Variants in ARHGEF10 observed in about 807,000 individuals in gnomAD.
The protein encoded by ARHGEF10 is Rho guanine nucleotide exchange factor 10, also known as Rho guanine nucleotide exchange factor (GEF) 10.
Under a neutral mutation model 147.4 loss-of-function variants are expected in ARHGEF10, and 140 were observed. The observed-to-expected ratio is 0.95, with a 90% CI of 0.83 to 1.09. The LOEUF (loss-of-function observed/expected upper bound fraction) is 1.09. Ranked by LOEUF, ARHGEF10 falls within the 50% of genes least tolerant of loss-of-function variation. The pLI, the probability that ARHGEF10 is intolerant of heterozygous loss-of-function variation, is 0.00. For synonymous variants in ARHGEF10, 902 were observed against 695.8 expected, an observed-to-expected ratio of 1.30 and a Z score of -4.67; for missense variants, 2,222 against 1,752.7, an observed-to-expected ratio of 1.27 and a Z score of -4.78.
chr8:1,950,360 A>G (rs1298217661), intron 27 of ARHGEF10, among the ~76,000 whole-genome samples: 1 of 152,188 alleles, frequency 6.6e-6, no homozygotes, highest in African/African-American at 2.4e-5. Context: ...TGTGGCCCTC[A>G]GCTTTCCCAT....
intron 2 of ARHGEF10, among the ~76,000 whole-genome samples, chr8:1,848,518 CTGTT>C (rs1804729046): frequency 6.6e-6 from 1 of 152,142 alleles, no homozygotes; most frequent in African/African-American, 2.4e-5. Context: ...GTCGTGGTTT[CTGTT>C]TGTTGTTTAT....
rs762242274 is a variant in ARHGEF10 at position 1,885,607 on chromosome 8, G to T, written c.1082G>T (p.Arg361Ile). Residue 361 changes from arginine (R) to isoleucine (I), a missense_variant, in exon 11 of 29, where the codon AGA becomes ATA. By Grantham distance (97) the Arg-to-Ile change is moderately conservative (BLOSUM62 -3). Transcript: ENST00000349830. The stretch of plus-strand genomic sequence containing the variant: ...TTTTGACTTTTTTTTTAAGATCACA[G>T]ATCTTCTCTTGAGGAAGAACAGAAT... Reference protein sequence around the residue: ...RTKSLIAQDHRSSLEEEQNLF... With the variant: ...RTKSLIAQDHISSLEEEQNLF... The T allele has an allele frequency of 3.7e-6, 6 of 1,611,486 alleles. No individual in the cohort carries two copies. In the South Asian group the frequency reaches 5.5e-5, roughly 15 times the overall value.
chr8:1,887,166 T>A (rs1368904490), intron 11 of ARHGEF10, among the ~76,000 whole-genome samples: 1 of 152,182 alleles, frequency 6.6e-6, no homozygotes, highest in Non-Finnish European at 1.5e-5. Flanking sequence ...GGAACTTGGA[T>A]CCTGCACTCT....
At chr8:1,934,859 T>C (rs1182257000) in intron 26 of ARHGEF10, among the ~76,000 whole-genome samples, 2 of 152,226 alleles carry the variant, frequency 1.3e-5, no homozygotes, top group Non-Finnish European at 2.9e-5. Flanking sequence ...TTTTTTCACA[T>C]TGAAATATGT....
chr8:1,868,869 T>G (rs1806839585), intron 6 of ARHGEF10, among the ~76,000 whole-genome samples: 1 of 152,124 alleles, frequency 6.6e-6, no homozygotes, highest in South Asian at 2.1e-4. Context: ...AATCATAGAA[T>G]AAGTTTGACC....
intron 2 of ARHGEF10, among the ~76,000 whole-genome samples, chr8:1,857,491 T>A (rs1019671688): frequency 6.6e-6 from 1 of 151,436 alleles, no homozygotes; most frequent in Admixed American, 6.6e-5. Flanking sequence ...GCAATCTCGG[T>A]TCACTGCAAC....
chr8:1,840,685 C>G (rs1803964095), intron 1 of ARHGEF10, among the ~76,000 whole-genome samples: 1 of 131,384 alleles, frequency 7.6e-6, no homozygotes, highest in African/African-American at 2.8e-5. Flanking sequence ...GTTTGCTGCA[C>G]TTGTCTTTGA....
chr8:1,921,086 G>T (rs186981266), intron 18 of ARHGEF10, among the ~76,000 whole-genome samples: 3 of 152,058 alleles, frequency 2.0e-5, no homozygotes, highest in Non-Finnish European at 4.4e-5. Context: ...ATGCCTGGCC[G>T]CTCCCTTTGT....
chr8:1,950,145 C>T (rs569288664), intron 27 of ARHGEF10, among the ~76,000 whole-genome samples: 31 of 152,314 alleles, frequency 2.0e-4, no homozygotes, highest in South Asian at 1.0e-3. Flanking sequence ...GCTGCATCAC[C>T]GTTCACCACC....
Position 1,957,153 on chromosome 8 carries a change from G to C in ARHGEF10, c.3925G>C (p.Val1309Leu), listed in dbSNP as rs757570115. ...KKAKASSALV[V>L]CGGQGHRRVH... Reference sequence around the variant, plus strand: ...AGCCAAGGCCAGCTCGGCGCTGGTGGTCTGTGGAGGGCAGGGCCACCGCCG... The same window carrying C: ...AGCCAAGGCCAGCTCGGCGCTGGTGCTCTGTGGAGGGCAGGGCCACCGCCG... The change falls in exon 29 of 29, where the codon GTC becomes CTC. Residue 1309 changes from valine to leucine, a missense_variant. By Grantham distance (32) the Val-to-Leu change is conservative. Coordinates refer to ENST00000349830, the MANE Select transcript of ARHGEF10 (RefSeq NM_014629.4). The C allele has an allele frequency of 6.2e-7, 1 of 1,612,778 alleles. No individual in the cohort carries two copies. The highest frequency in any genetic ancestry group is 8.5e-7 in the Non-Finnish European group (1 of 1,180,036).
intron 25 of ARHGEF10, among the ~76,000 whole-genome samples, chr8:1,930,636 G>T (rs1204204729): frequency 2.0e-5 from 3 of 152,144 alleles, no homozygotes; most frequent in Admixed American, 2.0e-4. Flanking sequence ...TGCTATTGGA[G>T]TTCCTCCCTC....
rs1006617935 is a variant in ARHGEF10 at position 1,845,549 on chromosome 8, G to A, written c.37+2113G>A. Among the ~76,000 whole-genome samples the A allele has an allele frequency of 4.6e-5, 7 of 152,344 alleles. 1 individual carries two copies. The East Asian group carries it at 1.2e-3, about 25-fold the overall frequency. On this transcript the variant is annotated intron_variant, in intron 2 of 28. Coordinates refer to ENST00000349830, the MANE Select transcript of ARHGEF10 (RefSeq NM_014629.4). ...GTCTCTGCAGGTAAGCGTGGAGGAC[G>A]TAGGACCCGTTCAGAATCCCGTGGC... is the stretch of plus-strand genomic sequence containing the variant.
Position 1,832,225 on chromosome 8 carries a change from G to A in ARHGEF10, c.-48+8112G>A, listed in dbSNP as rs181592289. Among the ~76,000 whole-genome samples, 360 of 92,030 alleles carry A rather than the reference G, an allele frequency of 3.9e-3. 3 individuals are homozygous for A. Among genetic ancestry groups the A allele is most frequent in the African/African-American group, 0.018 (324 of 17,882 alleles). 60.4% of individuals were successfully genotyped at this position (92,030 alleles called of 152,430 possible). A position where few individuals can be genotyped will look rare whatever the true frequency, so the allele number is the denominator to read the frequency against. ...AGGGATGGAGCGTCCGTAGATGCCC[G>A]GAGGAGTTGCGGTGGGCGGGGGGCG... On this transcript the variant is annotated intron_variant, in intron 1 of 28. Coordinates refer to ENST00000349830, the MANE Select transcript of ARHGEF10 (RefSeq NM_014629.4).
intron 2 of ARHGEF10, among the ~76,000 whole-genome samples, chr8:1,848,508 G>T (rs1804727887): frequency 6.6e-6 from 1 of 152,188 alleles, no homozygotes; most frequent in Non-Finnish European, 1.5e-5. Flanking sequence ...CGATGGGTGT[G>T]TCGTGGTTTC....
intron 10 of ARHGEF10, 44 bp downstream of exon 10, chr8:1,882,793 G>A: frequency 7.2e-7 from 1 of 1,381,418 alleles, no homozygotes; most frequent in Non-Finnish European, 1.0e-6. Flanking sequence ...ACGGGGTTGG[G>A]GGGGGCGGCC....
At chr8:1,942,419 A>C (rs1814174931) in intron 26 of ARHGEF10, among the ~76,000 whole-genome samples, 1 of 151,870 alleles carries the variant, frequency 6.6e-6, no homozygotes, top group Non-Finnish European at 1.5e-5. Context: ...ACTGTGTCAC[A>C]CACTAGGATG....
At chr8:1,911,870 C>G (rs1811383867) in intron 18 of ARHGEF10, among the ~76,000 whole-genome samples, 1 of 152,206 alleles carries the variant, frequency 6.6e-6, no homozygotes, top group Admixed American at 6.5e-5. Context: ...TCAGAGTTTT[C>G]ATCAAATGGC....
chr8:1,866,699 C>G lies in ARHGEF10; in HGVS notation c.622+97C>G, dbSNP rs976021702. On this transcript the variant is annotated intron_variant, in intron 6 of 28. Transcript: ENST00000349830. The stretch of plus-strand genomic sequence containing the variant: ...CCCTGAGTCTCAGGTCCCATCAGAT[C>G]TAAAACTCTAAAAAGATGTTTATTT... 23 of 1,098,702 alleles carry G rather than the reference C, an allele frequency of 2.1e-5. No homozygotes were observed. The East Asian group carries it at 2.4e-4, about 11-fold the overall frequency. The allele number at this position is 1,098,702 out of a possible 1,614,324, so 68.1% of individuals were successfully genotyped here. A position where few individuals can be genotyped will look rare whatever the true frequency, so the allele number is the denominator to read the frequency against.
chr8:1,857,609 G>A (rs897147550), intron 2 of ARHGEF10, among the ~76,000 whole-genome samples: 11 of 151,692 alleles, frequency 7.3e-5, no homozygotes, highest in East Asian at 3.9e-4. Context: ...TAGTAGAGAT[G>A]GGGTTTCACC....
Sources: allele counts gnomAD v4.1 joint callset (sites outside exome capture counted in the v4.1 genomes callset), GRCh38; gene constraint gnomAD v4.1.1; transcripts MANE v1.5; gene names NCBI Gene and HGNC (gene_info 2026-07-23, HGNC 2026-07-21).